PTPRN2: variants seen among roughly 807,000 people sequenced by gnomAD.
PTPRN2 encodes protein tyrosine phosphatase receptor type N2.
In PTPRN2, 74 loss-of-function variants were observed where a neutral mutation model predicts 118.8. That is an observed-to-expected ratio of 0.62 (90% confidence interval 0.52 to 0.76). The LOEUF (loss-of-function observed/expected upper bound fraction) is 0.76. PTPRN2 is among the 30% of genes least tolerant of loss of function. The probability of loss-of-function intolerance (pLI) is 0.00; values close to 1 mark genes in which losing one functional copy is unlikely to be tolerated. For synonymous variants in PTPRN2, 641 were observed against 608.0 expected, an observed-to-expected ratio of 1.05 and a Z score of -0.80; for missense variants, 1,481 against 1,394.4, an observed-to-expected ratio of 1.06 and a Z score of -0.99.
chr7:158,010,162 C>A (rs541233538), intron 11 of PTPRN2, among the ~76,000 whole-genome samples: 1 of 152,332 alleles, frequency 6.6e-6, no homozygotes, highest in Non-Finnish European at 1.5e-5. Context: ...GCAAGCTCAG[C>A]ACAAGGTAAA....
At position 157,627,390 on chromosome 7, in the gene PTPRN2, A is replaced by G. The variant is rs1803653374; in HGVS notation, c.2197-5881T>C. Among the ~76,000 whole-genome samples the G allele has an allele frequency of 6.6e-6, 1 of 152,270 alleles. No homozygotes were observed. Among genetic ancestry groups the G allele is most frequent in the Non-Finnish European group, 1.5e-5 (1 of 68,048 alleles). On this transcript the variant is annotated intron_variant, in intron 14 of 22. Transcript: ENST00000389418. This position sits in a 1 kb window ranked among gnomAD's most constrained non-coding sequence, Gnocchi z 4.2. ...GGATTGCACCACAATGCGTGCTCAC[A>G]TCAGGAAATCCATGAAGAGTGAAAA...
Position 157,869,590 on chromosome 7 carries a change from A to G in PTPRN2, c.1788+29083T>C, listed in dbSNP as rs1015568960. On this transcript the variant is annotated intron_variant, in intron 12 of 22. Transcript: ENST00000389418. The surrounding 1 kb of genome is among the most constrained non-coding windows in gnomAD (Gnocchi z 4.2). Reference sequence around the variant, plus strand: ...GCCACATCAATGCAGTCTTTTTCCCATTACTATCTAAGGAAAAATGGGTAC... The same window carrying G: ...GCCACATCAATGCAGTCTTTTTCCCGTTACTATCTAAGGAAAAATGGGTAC... Among the ~76,000 whole-genome samples the G allele has an allele frequency of 1.3e-5, 2 of 152,134 alleles. No individual in the cohort carries two copies. Among genetic ancestry groups the G allele is most frequent in the Admixed American group, 6.5e-5 (1 of 15,270 alleles).
At chr7:158,324,764 G>C (rs2151124992) in intron 2 of PTPRN2, among the ~76,000 whole-genome samples, 1 of 152,180 alleles carries the variant, frequency 6.6e-6, no homozygotes, top group East Asian at 1.9e-4. Flanking sequence ...CACTCTCTGT[G>C]ACACCCATAG....
rs1805396290 is a variant in PTPRN2, at chr7:158,003,183, G to C, written c.1723+78115C>G. On this transcript the variant is annotated intron_variant, in intron 11 of 22. Coordinates refer to ENST00000389418, the MANE Select transcript of PTPRN2 (RefSeq NM_002847.5). This position sits in a 1 kb window ranked among gnomAD's most constrained non-coding sequence, Gnocchi z 5.0. ...TAATCCCAGCACTTTGGGAGGCCGA[G>C]ACGGGCGGATCACGAGGTCAGGAGA... Among the ~76,000 whole-genome samples the C allele has an allele frequency of 6.6e-6, 1 of 152,072 alleles. No homozygotes were observed. Among genetic ancestry groups the C allele is most frequent in the African/African-American group, 2.4e-5 (1 of 41,424 alleles).
chr7:158,183,177 TC>T (rs1016629613), intron 5 of PTPRN2, among the ~76,000 whole-genome samples: 4 of 152,358 alleles, frequency 2.6e-5, no homozygotes, highest in African/African-American at 9.6e-5. Flanking sequence ...TTTATATGCA[TC>T]TTTATGTGTT....
chr7:158,164,286 C>G (rs1442366188), intron 6 of PTPRN2, among the ~76,000 whole-genome samples: 1 of 150,866 alleles, frequency 6.6e-6, no homozygotes, highest in Non-Finnish European at 1.5e-5. Context: ...AGAGCGCGTG[C>G]GTAGGAAGGG....
intron 11 of PTPRN2, among the ~76,000 whole-genome samples, chr7:158,023,822 A>T (rs1585221150): frequency 6.6e-6 from 1 of 151,860 alleles, no homozygotes; most frequent in Non-Finnish European, 1.5e-5. Flanking sequence ...ACAAGCAGGC[A>T]CACACATGCA....
intron 12 of PTPRN2, among the ~76,000 whole-genome samples, chr7:157,811,543 C>T (rs550432135): frequency 1.3e-5 from 2 of 152,104 alleles, no homozygotes; most frequent in African/African-American, 4.8e-5. Context: ...TCCTAAGAAC[C>T]CTGGCCAAAT....
intron 12 of PTPRN2, among the ~76,000 whole-genome samples, chr7:157,752,829 C>T (rs918751714): frequency 5.9e-5 from 9 of 152,258 alleles, no homozygotes; most frequent in Admixed American, 6.5e-5. Flanking sequence ...TCAGGGATGG[C>T]GAGGGCCGCC....
intron 2 of PTPRN2, among the ~76,000 whole-genome samples, chr7:158,333,535 G>A (rs371719202): frequency 1.2e-4 from 18 of 145,800 alleles, no homozygotes; most frequent in African/African-American, 1.9e-4. Context: ...CCTGACACTC[G>A]CAGACGTCAC....
intron 21 of PTPRN2, among the ~76,000 whole-genome samples, chr7:157,559,988 G>C (rs936799768): frequency 6.6e-6 from 1 of 152,176 alleles, no homozygotes; most frequent in Non-Finnish European, 1.5e-5. Flanking sequence ...GGCCTGGATG[G>C]GCCTGGATGG....
chr7:158,056,129 A>G (rs1479905482), intron 11 of PTPRN2, among the ~76,000 whole-genome samples: 1 of 152,058 alleles, frequency 6.6e-6, no homozygotes, highest in Non-Finnish European at 1.5e-5. Flanking sequence ...CACTCCCTCC[A>G]CCTGGAAGCT....
At chr7:158,567,461 A>G (rs1827730036) in intron 1 of PTPRN2, among the ~76,000 whole-genome samples, 1 of 152,222 alleles carries the variant, frequency 6.6e-6, no homozygotes. Context: ...CATTACAGTG[A>G]TGTGAAATGT....
chr7:157,657,923 C>T (rs982766913), intron 13 of PTPRN2, among the ~76,000 whole-genome samples: 15 of 134,120 alleles, frequency 1.1e-4, no homozygotes, highest in Admixed American at 3.0e-4. Context: ...CCACACACAT[C>T]GCAGACACAC....
At chr7:158,086,017 G>A (rs1813383535) in intron 10 of PTPRN2, among the ~76,000 whole-genome samples, 1 of 152,292 alleles carries the variant, frequency 6.6e-6, no homozygotes, top group Non-Finnish European at 1.5e-5. Context: ...TTGTAACCAC[G>A]TGTCCCGGCC....
chr7:158,394,573 G>A (rs1812186114), intron 2 of PTPRN2, among the ~76,000 whole-genome samples: 1 of 152,220 alleles, frequency 6.6e-6, no homozygotes, highest in African/African-American at 2.4e-5. Flanking sequence ...AGAGCTCCGG[G>A]TGGTCTCTAA....
intron 3 of PTPRN2, among the ~76,000 whole-genome samples, chr7:158,295,251 G>T: frequency 2.4e-4 from 1 of 4,166 alleles, no homozygotes; most frequent in African/African-American, 8.2e-4. Flanking sequence ...CAGACACTGC[G>T]CCACTTTCCA....
At chr7:157,788,652 C>T (rs1256909804) in intron 12 of PTPRN2, among the ~76,000 whole-genome samples, 1 of 152,226 alleles carries the variant, frequency 6.6e-6, no homozygotes, top group Non-Finnish European at 1.5e-5. Flanking sequence ...GCATGCAGCC[C>T]TGCTGGGCTA....
In PTPRN2 at chr7:157,794,131, C is replaced by T. The variant is rs544735657; in HGVS notation, c.1788+104542G>A. Among the ~76,000 whole-genome samples the T allele has an allele frequency of 7.3e-5, 11 of 150,682 alleles. No homozygotes were observed. In the South Asian group the frequency reaches 1.9e-3, roughly 26 times the overall value. On this transcript the variant is annotated intron_variant, in intron 12 of 22. Coordinates refer to ENST00000389418, the MANE Select transcript of PTPRN2 (RefSeq NM_002847.5). The surrounding 1 kb of genome is among the most constrained non-coding windows in gnomAD (Gnocchi z 5.2). ...TTCTCTGCTCTGACCCGGGCTCGCACCTCCCCTCGTTCTCTGCTCTGACCC... is the reference window on the plus strand; with the variant it reads ...TTCTCTGCTCTGACCCGGGCTCGCATCTCCCCTCGTTCTCTGCTCTGACCC...
Sources: allele counts gnomAD v4.1 joint callset (sites outside exome capture counted in the v4.1 genomes callset), GRCh38; gene constraint gnomAD v4.1.1; non-coding constraint Gnocchi (gnomAD v3.1); transcripts MANE v1.5; gene names NCBI Gene and HGNC (gene_info 2026-07-23, HGNC 2026-07-21).